AHI1: variants seen among roughly 807,000 people sequenced by gnomAD.
The protein encoded by AHI1 is Abelson helper integration site 1, also known as jouberin.
Under a neutral mutation model 149.3 loss-of-function variants are expected in AHI1, and 123 were observed. That is an observed-to-expected ratio of 0.82 (90% CI 0.71 to 0.96). AHI1 has a LOEUF of 0.96. Ranked by LOEUF, AHI1 falls within the 40% of genes least tolerant of loss-of-function variation. The pLI is 0.00. For synonymous variants in AHI1, 475 were observed against 459.8 expected (o/e 1.03, Z -0.42); for missense variants, 1,439 against 1,422.7 (o/e 1.01, Z -0.18).
At chr6:135,360,979 G>C (rs1413549982) in intron 23 of AHI1, among the ~76,000 whole-genome samples, 1 of 152,168 alleles carries the variant, frequency 6.6e-6, no homozygotes, top group Admixed American at 6.5e-5. Context: ...CTTTGCTGAA[G>C]TTTAGCATTT....
chr6:135,442,339 G>C (rs1786429067), intron 14 of AHI1, among the ~76,000 whole-genome samples: 1 of 152,068 alleles, frequency 6.6e-6, no homozygotes, highest in Admixed American at 6.6e-5. Flanking sequence ...AAATCCTCCT[G>C]CATGTTTTAA....
At chr6:135,479,078 G>T (rs1018567275) in intron 5 of AHI1, among the ~76,000 whole-genome samples, 3 of 152,260 alleles carry the variant, frequency 2.0e-5, no homozygotes, top group Non-Finnish European at 4.4e-5. Flanking sequence ...ATGCTTGGAT[G>T]TCCAGGTAGA....
intron 3 of AHI1, among the ~76,000 whole-genome samples, chr6:135,494,619 T>A (rs925606409): frequency 6.6e-6 from 1 of 152,230 alleles, no homozygotes; most frequent in Non-Finnish European, 1.5e-5. Flanking sequence ...AAACAACAAC[T>A]GTTATTACTG....
intron 24 of AHI1, among the ~76,000 whole-genome samples, chr6:135,336,489 T>C (rs907156012): frequency 6.6e-6 from 1 of 152,034 alleles, no homozygotes; most frequent in African/African-American, 2.4e-5. Flanking sequence ...TCCCAGCTAC[T>C]TGGGAGGCTG....
rs535125813 is a variant in AHI1, at chr6:135,393,671, T to A, written c.3109+1105A>T. 3.3e-5 allele frequency among the ~76,000 whole-genome samples: 5 copies of A among 152,274 alleles called. No homozygotes were observed. In the South Asian group the frequency reaches 1.0e-3, roughly 32 times the overall value. On this transcript the variant is annotated intron_variant, in intron 23 of 28. Transcript: ENST00000265602. ...AGATAACTGTTATTAATTATTATAG[T>A]GACTTGAAATTAGATTTCAAAGTAG...
intron 11 of AHI1, among the ~76,000 whole-genome samples, chr6:135,451,824 G>A (rs961292356): frequency 3.3e-5 from 5 of 151,184 alleles, no homozygotes; most frequent in Non-Finnish European, 7.4e-5. Context: ...TGTTTACTAT[G>A]TGAAAGTGAG....
At chr6:135,292,955 AC>A (rs1182630562) in intron 27 of AHI1, among the ~76,000 whole-genome samples, 1 of 152,164 alleles carries the variant, frequency 6.6e-6, no homozygotes, top group East Asian at 1.9e-4. Flanking sequence ...AAAATTACAG[AC>A]CCATATTTCT....
chr6:135,357,674 A>T (rs1793206420), intron 24 of AHI1, among the ~76,000 whole-genome samples: 1 of 152,252 alleles, frequency 6.6e-6, no homozygotes, highest in African/African-American at 2.4e-5. Context: ...TCATATTCAG[A>T]GACTAAAAGG....
chr6:135,296,941 T>C (rs1466218867), intron 27 of AHI1, among the ~76,000 whole-genome samples: 1 of 152,218 alleles, frequency 6.6e-6, no homozygotes, highest in African/African-American at 2.4e-5. Flanking sequence ...AATGTACAAG[T>C]TGTGTATCAT....
chr6:135,302,690 A>G, intron 26 of AHI1: 1 of 1,204,720 alleles, frequency 8.3e-7, no homozygotes, highest in Non-Finnish European at 1.0e-6. Context: ...CCAATATTTG[A>G]CTTCCAAACA....
In AHI1 at chr6:135,307,421, A is replaced by G. The variant is rs148906956; in HGVS notation, c.3427-6863T>C. On this transcript the variant is annotated intron_variant, in intron 26 of 28. Coordinates refer to ENST00000265602, the MANE Select transcript of AHI1 (RefSeq NM_001134831.2). ...AGGAAATTAACATTAGTCAATAGAT[A>G]TCTAAATTTAATTATTAGACATTTT... is the stretch of plus-strand genomic sequence containing the variant. Among the ~76,000 whole-genome samples, 19 of 152,288 alleles carry G rather than the reference A, an allele frequency of 1.2e-4. No individual in the cohort carries two copies. The East Asian group carries it at 3.1e-3, about 25-fold the overall frequency.
intron 24 of AHI1, among the ~76,000 whole-genome samples, chr6:135,334,909 A>G (rs1789144494): frequency 6.6e-6 from 1 of 152,238 alleles, no homozygotes; most frequent in Non-Finnish European, 1.5e-5. Flanking sequence ...TGCATCATAA[A>G]TTCTGGGGAT....
chr6:135,340,646 TATAC>T (rs201413777), intron 24 of AHI1, among the ~76,000 whole-genome samples: 6,627 of 66,020 alleles, frequency 0.1, 779 homozygotes, highest in South Asian at 0.14. Context: ...AGTACATATA[TATAC>T]ATACATACAT....
chr6:135,440,939 GGAAA>G (rs1316942838), intron 14 of AHI1, among the ~76,000 whole-genome samples: 5 of 151,968 alleles, frequency 3.3e-5, no homozygotes, highest in African/African-American at 1.2e-4. Context: ...GGAAAAAACA[GGAAA>G]GAGTGGCCCA....
intron 23 of AHI1, among the ~76,000 whole-genome samples, chr6:135,364,829 C>T (rs529908789): frequency 2.0e-5 from 3 of 152,252 alleles, no homozygotes; most frequent in Non-Finnish European, 2.9e-5. Context: ...TGCAGTAGGC[C>T]GAGATGGCAG....
chr6:135,395,579 T>A (rs1376734673), intron 22 of AHI1, among the ~76,000 whole-genome samples: 2 of 151,936 alleles, frequency 1.3e-5, no homozygotes, highest in Non-Finnish European at 2.9e-5. Flanking sequence ...ATAGCTCTTG[T>A]AGGAAAATAA....
intron 24 of AHI1, among the ~76,000 whole-genome samples, chr6:135,340,640 C>T (rs796274978): frequency 2.8e-5 from 2 of 72,626 alleles, no homozygotes; most frequent in African/African-American, 5.2e-5. Context: ...AAAACCAGTA[C>T]ATATATATAC....
intron 21 of AHI1, among the ~76,000 whole-genome samples, chr6:135,408,296 A>AC (rs1781093420): frequency 6.6e-6 from 1 of 152,118 alleles, no homozygotes; most frequent in South Asian, 2.1e-4. Flanking sequence ...TAGACAAGGA[A>AC]CACATTTTCT....
rs59084001 is a variant in AHI1 at position 135,344,926 on chromosome 6, TCACA to T, written c.3165+13202_3165+13205del. On this transcript the variant is annotated intron_variant, in intron 24 of 28. Transcript: ENST00000265602. ...TCAGTTTATTGAAATAAGCTCTGATTCACACACACACACACACACACACACACAC... is the reference window on the plus strand; with the variant it reads ...TCAGTTTATTGAAATAAGCTCTGATTCACACACACACACACACACACACAC... Among the ~76,000 whole-genome samples, 691 of 145,794 alleles carry T rather than the reference TCACA, an allele frequency of 4.7e-3. 9 individuals carry two copies. Among genetic ancestry groups the T allele is most frequent in the African/African-American group, 0.016 (615 of 39,152 alleles).
Sources: allele counts gnomAD v4.1 joint callset (sites outside exome capture counted in the v4.1 genomes callset), GRCh38; gene constraint gnomAD v4.1.1; transcripts MANE v1.5; gene names NCBI Gene and HGNC (gene_info 2026-07-23, HGNC 2026-07-21).